SIRPB2: variants seen among roughly 807,000 people sequenced by gnomAD.
SIRPB2 encodes signal-regulatory protein beta-2.
SIRPB2 carries 18 observed loss-of-function variants against 27.1 expected under a neutral mutation model. That is an observed-to-expected ratio of 0.66 (90% CI 0.46 to 0.98). The LOEUF is 0.98. Ranked by LOEUF, SIRPB2 falls within the 50% of genes least tolerant of loss-of-function variation. The pLI, the probability that SIRPB2 is intolerant of heterozygous loss-of-function variation, is 0.00. For missense variants in SIRPB2, 420 were observed against 417.4 expected (o/e 1.01, Z -0.06); for synonymous variants, 150 against 164.6 (o/e 0.91, Z 0.68).
chr20:1,480,841 C>T (rs2090664383), intron 1 of SIRPB2, among the ~76,000 whole-genome samples: 1 of 152,204 alleles, frequency 6.6e-6, no homozygotes, highest in African/African-American at 2.4e-5. Flanking sequence ...GATTCAAGCC[C>T]TCTCAACCTG....
intron 4 of SIRPB2, 34 bp downstream of exon 4, chr20:1,477,304 G>A (rs867189039): frequency 7.4e-6 from 12 of 1,614,212 alleles, no homozygotes; most frequent in South Asian, 3.3e-5. Flanking sequence ...GCCTGTGGGG[G>A]ACTCATTGAC....
At chr20:1,485,448 C>T (rs139843966) in intron 1 of SIRPB2, among the ~76,000 whole-genome samples, 1,648 of 151,886 alleles carry the variant, frequency 0.011, 33 homozygotes, top group African/African-American at 0.038. Context: ...TAAAAATTTG[C>T]GGGATTCTGT....
chr20:1,470,989 T>G (rs2090579753), downstream of SIRPB2: 1 of 152,240 alleles, frequency 6.6e-6, no homozygotes, highest in Non-Finnish European at 1.5e-5. Context: ...TGCCTGATGC[T>G]GTTTTCCAGC....
At chr20:1,482,769 A>AT (rs151295421) in intron 1 of SIRPB2, among the ~76,000 whole-genome samples, 12,743 of 150,320 alleles carry the variant, frequency 0.085, 799 homozygotes, top group African/African-American at 0.18. Context: ...TGATTTCATT[A>AT]TTTTTTTTTC....
intron 1 of SIRPB2, among the ~76,000 whole-genome samples, chr20:1,483,104 C>T (rs945049132): frequency 1.4e-5 from 2 of 146,506 alleles, no homozygotes; most frequent in African/African-American, 5.0e-5. Context: ...TCCTCATCCT[C>T]ATCATTTTTT....
At chr20:1,486,506 T>C (rs1305687638) in intron 1 of SIRPB2, among the ~76,000 whole-genome samples, 1 of 152,130 alleles carries the variant, frequency 6.6e-6, no homozygotes, top group African/African-American at 2.4e-5. Context: ...CCTTTTCCTT[T>C]CGAGAAAGGA....
At chr20:1,488,645 C>T (rs1472416599) in intron 1 of SIRPB2, among the ~76,000 whole-genome samples, 2 of 46,058 alleles carry the variant, frequency 4.3e-5, no homozygotes, top group Non-Finnish European at 1.2e-4. Context: ...GAGACCCTGT[C>T]TCAAAAAAAA....
At chr20:1,487,903 G>T (rs1702684547) in intron 1 of SIRPB2, among the ~76,000 whole-genome samples, 1 of 152,154 alleles carries the variant, frequency 6.6e-6, no homozygotes, top group Non-Finnish European at 1.5e-5. Context: ...GCAAACAAAT[G>T]AACTTTGGTT....
At chr20:1,488,142 A>T (rs1311982993) in intron 1 of SIRPB2, among the ~76,000 whole-genome samples, 2 of 152,212 alleles carry the variant, frequency 1.3e-5, no homozygotes, top group Admixed American at 1.3e-4. Flanking sequence ...CTTGTAAAAG[A>T]ATAAAAAGAC....
At position 1,477,536 on chromosome 20, in the gene SIRPB2, C is replaced by A. The variant is rs2123010142; in HGVS notation, c.794-133G>T. 2.1e-6 allele frequency: 3 copies of A among 1,451,418 alleles called. No homozygotes were observed. In the South Asian group the frequency reaches 4.2e-5, roughly 20 times the overall value. 89.9% of individuals were successfully genotyped at this position (1,451,418 alleles called of 1,614,324 possible). ...GGTATGGGCTAGAAGTCAAACCCTG[C>A]AGCTATGAAGGACAAAGTTAGACTT... is the stretch of plus-strand genomic sequence containing the variant. On this transcript the variant is annotated intron_variant, in intron 3 of 4. Coordinates refer to ENST00000359801, the MANE Select transcript of SIRPB2 (RefSeq NM_001122962.2).
intron 4 of SIRPB2, chr20:1,476,692 G>A: frequency 9.5e-7 from 1 of 1,052,692 alleles, no homozygotes; most frequent in Non-Finnish European, 1.1e-6. Context: ...AGGGCCACAT[G>A]TGTTAAAGAA....
chr20:1,478,618 A>T lies in SIRPB2; in HGVS notation c.452-11T>A, dbSNP rs546773174. The T allele has an allele frequency of 2.6e-6, 4 of 1,545,064 alleles. No homozygotes were observed. Among genetic ancestry groups the T allele is most frequent in the East Asian group, 2.3e-5 (1 of 43,956 alleles). ...CAGGGTCCCCAGCTCCTGAAGCCAAAGAGGAGGTCCTTGTTGAATTCCCTC... is the reference window on the plus strand; with the variant it reads ...CAGGGTCCCCAGCTCCTGAAGCCAATGAGGAGGTCCTTGTTGAATTCCCTC... On this transcript the variant is annotated splice_polypyrimidine_tract_variant and intron_variant, in intron 2 of 4. Transcript: ENST00000359801.
Position 1,478,541 on chromosome 20 carries a change from C to T in SIRPB2, c.518G>A (p.Gly173Glu). Residue 173 changes from glycine (G) to glutamate (E), a missense_variant, in exon 3 of 5, where the codon GGA becomes GAA. By Grantham distance (98) the Gly-to-Glu change is moderately conservative. Coordinates refer to ENST00000359801, the MANE Select transcript of SIRPB2 (RefSeq NM_001122962.2). ...TGTGCAGTTCAGAAAGACAGTGTCT[C>T]CAGTGGTCCCCAACACCAATTCCTG... ...QPQELVLGTTGDTVFLNCTVL... is the reference protein window; with the variant it reads ...QPQELVLGTTEDTVFLNCTVL... 6.2e-7 allele frequency: 1 copy of T among 1,612,330 alleles called. No individual in the cohort carries two copies. Among genetic ancestry groups the T allele is most frequent in the Non-Finnish European group, 8.5e-7 (1 of 1,178,794 alleles).
intron 1 of SIRPB2, 96 bp from the exon 2 acceptor site, chr20:1,480,161 C>A: frequency 3.5e-6 from 5 of 1,440,268 alleles, no homozygotes; most frequent in Non-Finnish European, 4.6e-6. Flanking sequence ...TGGCCAAGAA[C>A]AATGGCCCAG....
At chr20:1,476,405 GC>G in intron 4 of SIRPB2, 69 bp from the exon 5 acceptor site, 1 of 1,463,562 alleles carries the variant, frequency 6.8e-7, no homozygotes, top group South Asian at 1.3e-5. Flanking sequence ...CCTCATTGCT[GC>G]CCATGGGCAA....
Position 1,476,229 on chromosome 20 carries a change from C to A in SIRPB2, c.967G>T (p.Val323Phe). 1 of 1,614,100 alleles carries A rather than the reference C, an allele frequency of 6.2e-7. No homozygotes were observed. Among genetic ancestry groups the A allele is most frequent in the Non-Finnish European group, 8.5e-7 (1 of 1,180,010 alleles). The change falls in exon 5 of 5, where the codon GTC becomes TTC. Residue 323 changes from valine (V) to phenylalanine (F), a missense_variant. By Grantham distance (50) the Val-to-Phe change is conservative. Transcript: ENST00000359801. ...TSRRSPGQED[V>F]KTTGPAGAMN... ...GCTCCTGCTGGGCCTGTGGTCTTGA[C>A]ATCTTCTTGCCCAGGGCTCCTCCGA...
Position 1,476,246 on chromosome 20 carries a change from C to T in SIRPB2, c.950G>A (p.Ser317Asn), listed in dbSNP as rs1276611823. ...GGTCTTGACATCTTCTTGCCCAGGG[C>T]TCCTCCGAGAGGTAGCCAGGGCCAG... ...LLLALATSRR[S>N]PGQEDVKTTG... is the part of the protein sequence containing the mutation. Residue 317 changes from serine to asparagine, a missense_variant, in exon 5 of 5, where the codon AGC (serine) becomes AAC (asparagine). Coordinates refer to ENST00000359801, the MANE Select transcript of SIRPB2 (RefSeq NM_001122962.2). The T allele has an allele frequency of 1.2e-6, 2 of 1,614,050 alleles. No homozygotes were observed. The highest frequency in any genetic ancestry group is 2.2e-5 in the East Asian group (1 of 44,868).
In SIRPB2 at chr20:1,474,805, C is replaced by T. The variant is rs2123000856; in HGVS notation, c.*1362G>A. ...GCCAGGCTGGTCTCAAACTCCTGAA[C>T]TCAGGTGATCCACCCACCTCGGCCT... On this transcript the variant is annotated 3_prime_UTR_variant, in exon 5 of 5. Coordinates refer to ENST00000359801, the MANE Select transcript of SIRPB2 (RefSeq NM_001122962.2). 1.3e-5 allele frequency: 2 copies of T among 152,446 alleles called. No homozygotes were observed. Among genetic ancestry groups the T allele is most frequent in the Middle Eastern group, 6.8e-3 (2 of 294 alleles). 9.4% of individuals were successfully genotyped at this position (152,446 alleles called of 1,614,324 possible). A position where few individuals can be genotyped will look rare whatever the true frequency, so the allele number is the denominator to read the frequency against.
Position 1,490,973 on chromosome 20 carries a change from G to A in SIRPB2, c.85+302C>T, listed in dbSNP as rs535093525. ...AGCCCTAGAGAAAGGTCCCATGAGC[G>A]TCCCTGTTTTGTAGAAGAGGCTCCT... On this transcript the variant is annotated intron_variant, in intron 1 of 4. Coordinates refer to ENST00000359801, the MANE Select transcript of SIRPB2 (RefSeq NM_001122962.2). Among the ~76,000 whole-genome samples the A allele has an allele frequency of 5.9e-5, 9 of 152,264 alleles. No individual in the cohort carries two copies. The East Asian group carries it at 1.2e-3, about 20-fold the overall frequency.
Sources: allele counts gnomAD v4.1 joint callset (sites outside exome capture counted in the v4.1 genomes callset), GRCh38; gene constraint gnomAD v4.1.1; transcripts MANE v1.5; gene names NCBI Gene and HGNC (gene_info 2026-07-23, HGNC 2026-07-21).